The following DPH6 variants were observed in gnomAD, a reference collection of about 807,000 sequenced individuals.
DPH6 encodes the protein diphthamine biosynthesis 6, also known as diphthine--ammonia ligase.
A neutral mutation model predicts 38.2 loss-of-function variants in DPH6; 33 were observed. The ratio of observed to expected loss-of-function variants is 0.86; its 90% CI spans 0.65 to 1.15. The LOEUF (loss-of-function observed/expected upper bound fraction) is 1.15. DPH6 is among the 50% of genes most tolerant of loss of function. The pLI, the probability that DPH6 is intolerant of heterozygous loss-of-function variation, is 0.00. For missense variants in DPH6, 325 were observed against 320.0 expected, an observed-to-expected ratio of 1.02 and a Z score of -0.12; for synonymous variants, 108 against 103.0, an observed-to-expected ratio of 1.05 and a Z score of -0.30.
At chr15:35,490,210 AG>A in intron 3 of DPH6, 1 of 984,188 alleles carries the variant, frequency 1.0e-6, no homozygotes. Context: ...AAAGGAAGAA[AG>A]GAAGGAAGGA....
chr15:35,363,709 CTTTT>C (rs903814684), intron 3 of DPH6, among the ~76,000 whole-genome samples: 1 of 151,688 alleles, frequency 6.6e-6, no homozygotes, highest in Non-Finnish European at 1.5e-5. Flanking sequence ...ACTGTTTTGC[CTTTT>C]TTCTTTTTCT....
At chr15:35,291,827 G>T (rs1233711827) in intron 3 of DPH6, among the ~76,000 whole-genome samples, 1 of 152,114 alleles carries the variant, frequency 6.6e-6, no homozygotes, top group Non-Finnish European at 1.5e-5. Context: ...TTTCTTGAGA[G>T]ATATATATTT....
chr15:35,149,783 C>T, the DPH6 span, among the ~76,000 whole-genome samples: 1 of 152,190 alleles, frequency 6.6e-6, no homozygotes, highest in Non-Finnish European at 1.5e-5. Context: ...TTCTATGGGC[C>T]AGGCATTGTG....
chr15:35,303,884 T>C (rs994328674), intron 3 of DPH6, among the ~76,000 whole-genome samples: 2 of 151,938 alleles, frequency 1.3e-5, no homozygotes, highest in African/African-American at 4.8e-5. Flanking sequence ...ATTTATACTC[T>C]AAGGCCCTGG....
At chr15:35,174,193 G>A in the DPH6 span, among the ~76,000 whole-genome samples, 7 of 152,262 alleles carry the variant, frequency 4.6e-5, no homozygotes, top group South Asian at 4.1e-4. Flanking sequence ...GAGAAAATGG[G>A]AAGCAAAGAA....
At chr15:35,183,455 C>T in the DPH6 span, among the ~76,000 whole-genome samples, 1 of 152,054 alleles carries the variant, frequency 6.6e-6, no homozygotes, top group Non-Finnish European at 1.5e-5. Flanking sequence ...CTAAAAGGAC[C>T]CTGCAGAGCT....
chr15:35,346,228 T>C (rs1237677197), intron 3 of DPH6, among the ~76,000 whole-genome samples: 2 of 151,994 alleles, frequency 1.3e-5, no homozygotes, highest in Non-Finnish European at 2.9e-5. Context: ...CTGGGAAAAA[T>C]GTCTACAAAA....
intron 3 of DPH6, among the ~76,000 whole-genome samples, chr15:35,335,333 C>A (rs748758575): frequency 1.8e-4 from 27 of 152,046 alleles, no homozygotes; most frequent in Admixed American, 5.9e-4. Flanking sequence ...TCCTCCCATT[C>A]TGTAGGTTGT....
the DPH6 span, among the ~76,000 whole-genome samples, chr15:35,164,945 A>C: frequency 2.0e-5 from 3 of 151,858 alleles, no homozygotes; most frequent in Admixed American, 6.6e-5. Flanking sequence ...TAGGAAAGAG[A>C]CCATCCCCCC....
chr15:35,426,749 G>GT (rs1404594024), intron 5 of DPH6, among the ~76,000 whole-genome samples: 2 of 151,126 alleles, frequency 1.3e-5, no homozygotes, highest in African/African-American at 4.9e-5. Flanking sequence ...TGAGAGAAAA[G>GT]TAAAAAGTTT....
At chr15:35,273,855 A>G (rs755985830) in intron 3 of DPH6, among the ~76,000 whole-genome samples, 2 of 152,182 alleles carry the variant, frequency 1.3e-5, no homozygotes, top group Non-Finnish European at 2.9e-5. Context: ...ATTCAGTGCT[A>G]CTCCCATCAA....
intron 3 of DPH6, among the ~76,000 whole-genome samples, chr15:35,280,973 C>CT (rs1456199945): frequency 2.0e-5 from 3 of 152,020 alleles, no homozygotes; most frequent in Non-Finnish European, 4.4e-5. Flanking sequence ...AATTATTATA[C>CT]TTTAAGTTTT....
chr15:35,387,471 G>T (rs1595520925), intron 6 of DPH6, among the ~76,000 whole-genome samples: 1 of 152,084 alleles, frequency 6.6e-6, no homozygotes, highest in African/African-American at 2.4e-5. Flanking sequence ...TTCCTACCCA[G>T]GAGCATGGAA....
chr15:35,427,064 A>G lies in DPH6; in HGVS notation c.506-16168T>C, dbSNP rs1219285369. ...GAAACACAAGGACTAAATAGACACC[A>G]TGAGTGGTAGGACTAACGGCTGAGT... On this transcript the variant is annotated intron_variant, in intron 5 of 8. Coordinates refer to ENST00000256538, the MANE Select transcript of DPH6 (RefSeq NM_080650.4). Among the ~76,000 whole-genome samples the G allele has an allele frequency of 2.0e-5, 3 of 151,862 alleles. No individual in the cohort carries two copies. In the South Asian group the frequency reaches 6.2e-4, roughly 31 times the overall value.
rs139618743 is a variant in DPH6, at chr15:35,461,231, G to A, written c.313-6411C>T. ...TTCGAATAGCTGGGACTACAGGCGCGTGCCACCATACCCTTAATTTTTTTG... is the reference window on the plus strand; with the variant it reads ...TTCGAATAGCTGGGACTACAGGCGCATGCCACCATACCCTTAATTTTTTTG... On this transcript the variant is annotated intron_variant, in intron 3 of 8. Transcript: ENST00000256538. 4.5e-3 allele frequency among the ~76,000 whole-genome samples: 678 copies of A among 152,252 alleles called. 14 individuals are homozygous for A. The highest frequency in any genetic ancestry group is 4.1e-3 in the East Asian group (21 of 5,178).
intron 3 of DPH6, among the ~76,000 whole-genome samples, chr15:35,234,234 T>TA (rs568923829): frequency 1.5e-4 from 23 of 152,328 alleles, no homozygotes; most frequent in Non-Finnish European, 3.2e-4. Flanking sequence ...ACATCTAATT[T>TA]AAAAAACTGC....
intron 3 of DPH6, among the ~76,000 whole-genome samples, chr15:35,462,706 G>A (rs548521003): frequency 9.9e-5 from 15 of 152,134 alleles, no homozygotes; most frequent in Non-Finnish European, 1.3e-4. Flanking sequence ...TTTCTTCACA[G>A]TACTACCTAA....
the DPH6 span, among the ~76,000 whole-genome samples, chr15:35,177,603 C>T: frequency 9.4e-6 from 1 of 105,958 alleles, no homozygotes; most frequent in Admixed American, 9.7e-5. Context: ...AAAAAAAAAT[C>T]ATCATCATCA....
In DPH6 at chr15:35,526,217, C is replaced by T. The variant is rs80226054; in HGVS notation, c.312+12057G>A. Among the ~76,000 whole-genome samples the T allele has an allele frequency of 7.0e-3, 1,069 of 152,204 alleles. 16 individuals carry two copies. The East Asian group carries it at 0.074, about 11-fold the overall frequency. On this transcript the variant is annotated intron_variant, in intron 3 of 8. Coordinates refer to ENST00000256538, the MANE Select transcript of DPH6 (RefSeq NM_080650.4). ...CAAAATTACTACCTAGGAAAGAATC[C>T]GTAAGAGAACTGGTCTTAAAATAGA... is the stretch of plus-strand genomic sequence containing the variant.
Sources: gnomAD v4.1 joint callset for allele counts (sites outside exome capture counted in the v4.1 genomes callset) on GRCh38, gnomAD v4.1.1 for gene constraint, MANE v1.5 for transcripts, NCBI Gene and HGNC (gene_info 2026-07-23, HGNC 2026-07-21) for gene names.